KLHL20: variants seen among roughly 807,000 people sequenced by gnomAD.
KLHL20 encodes the protein kelch like family member 20.
KLHL20 carries 29 observed loss-of-function variants against 69.5 expected under a neutral mutation model. That is an observed-to-expected ratio of 0.42 (90% CI 0.31 to 0.57). KLHL20 has a LOEUF of 0.57. Among genes scored for constraint, KLHL20 ranks in the 20% least tolerant of loss-of-function variants. KLHL20 has a pLI of 0.18. For synonymous variants in KLHL20, 253 were observed against 265.2 expected, an observed-to-expected ratio of 0.95 and a Z score of 0.45; for missense variants, 419 against 776.0, an observed-to-expected ratio of 0.54 and a Z score of 5.47.
intron 7 of KLHL20, among the ~76,000 whole-genome samples, chr1:173,760,305 A>C (rs1274286371): frequency 6.6e-6 from 1 of 152,224 alleles, no homozygotes; most frequent in African/African-American, 2.4e-5. Flanking sequence ...TCGGGAGAGT[A>C]ATCAAGGAAA....
At chr1:173,728,073 A>G (rs1232122499) in intron 2 of KLHL20, among the ~76,000 whole-genome samples, 5 of 152,290 alleles carry the variant, frequency 3.3e-5, no homozygotes, top group African/African-American at 1.2e-4. Context: ...AAGCAAATGG[A>G]AAACAAAGGC....
chr1:173,751,669 TAGA>T, intron 3 of KLHL20, 92 bp from the exon 4 acceptor site: 4 of 1,222,650 alleles, frequency 3.3e-6, no homozygotes, highest in Non-Finnish European at 4.6e-6. Context: ...CAGCGCATTG[TAGA>T]ATACAGCTTT....
At chr1:173,778,791 G>A (rs1648652532) in intron 10 of KLHL20, among the ~76,000 whole-genome samples, 2 of 152,094 alleles carry the variant, frequency 1.3e-5, no homozygotes, top group Admixed American at 6.5e-5. Flanking sequence ...TCCTTTGAAT[G>A]TCTACGGTAT....
At chr1:173,762,382 T>C (rs1367095396) in intron 7 of KLHL20, among the ~76,000 whole-genome samples, 1 of 152,088 alleles carries the variant, frequency 6.6e-6, no homozygotes, top group East Asian at 1.9e-4. Context: ...ATTCATTCTG[T>C]GAAGCCAGCA....
chr1:173,753,424 A>C (rs568259646), intron 5 of KLHL20, 117 bp downstream of exon 5: 6 of 732,282 alleles, frequency 8.2e-6, no homozygotes, highest in Non-Finnish European at 1.4e-5. Context: ...CCAGGGCTTT[A>C]ATTTAACAAG....
intron 2 of KLHL20, among the ~76,000 whole-genome samples, chr1:173,728,268 A>T (rs1672077265): frequency 6.6e-6 from 1 of 152,218 alleles, no homozygotes; most frequent in Admixed American, 6.5e-5. Context: ...CTAGAAAGAG[A>T]CTTAGACTCC....
chr1:173,747,275 A>G (rs372358309), intron 3 of KLHL20, among the ~76,000 whole-genome samples: 32 of 151,960 alleles, frequency 2.1e-4, no homozygotes, highest in Admixed American at 1.4e-3. Context: ...CTGTGTGTTA[A>G]AGTCTCTTAT....
chr1:173,774,702 ATATAAT>A, intron 9 of KLHL20, among the ~76,000 whole-genome samples: 1 of 151,046 alleles, frequency 6.6e-6, no homozygotes, highest in East Asian at 1.9e-4. Context: ...CTACTTTCTT[ATATAAT>A]TAGTTCCTTT....
At chr1:173,746,487 C>A (rs1165211798) in intron 3 of KLHL20, among the ~76,000 whole-genome samples, 1 of 152,060 alleles carries the variant, frequency 6.6e-6, no homozygotes, top group Non-Finnish European at 1.5e-5. Context: ...TTTGGGTAAA[C>A]TGTATTTCCC....
chr1:173,740,825 C>T (rs1035338307), intron 3 of KLHL20, among the ~76,000 whole-genome samples: 1 of 151,968 alleles, frequency 6.6e-6, no homozygotes, highest in African/African-American at 2.4e-5. Context: ...TTTGCCCCCC[C>T]GGATTCTGCC....
intron 3 of KLHL20, chr1:173,741,989 A>G (rs1390693034): frequency 1.6e-6 from 1 of 614,762 alleles, no homozygotes. Flanking sequence ...TTGGATAAAA[A>G]AAATTGTAAC....
intron 4 of KLHL20, 47 bp from the exon 5 acceptor site, chr1:173,753,166 T>C (rs1180344663): frequency 1.4e-6 from 2 of 1,454,996 alleles, no homozygotes; most frequent in Non-Finnish European, 1.9e-6. Context: ...GAGTAAGACC[T>C]ATCTCAAAAT....
chr1:173,743,534 A>ATTT (rs147229262), intron 3 of KLHL20, among the ~76,000 whole-genome samples: 2 of 141,278 alleles, frequency 1.4e-5, no homozygotes, highest in South Asian at 4.4e-4. Context: ...CAAAGTGGTG[A>ATTT]TTTTAAAAAA....
At chr1:173,758,195 T>A (rs989991080) in intron 7 of KLHL20, among the ~76,000 whole-genome samples, 10 of 151,578 alleles carry the variant, frequency 6.6e-5, no homozygotes. Flanking sequence ...CGCTTGAGCC[T>A]GGGAGGTAAA....
At chr1:173,753,134 C>A in intron 4 of KLHL20, 79 bp from the exon 5 acceptor site, 3 of 1,157,908 alleles carry the variant, frequency 2.6e-6, no homozygotes, top group Non-Finnish European at 3.8e-6. Context: ...GATCATGCCA[C>A]TGTACTCCAG....
intron 2 of KLHL20, among the ~76,000 whole-genome samples, chr1:173,721,270 T>C (rs1671702193): frequency 6.6e-6 from 1 of 152,196 alleles, no homozygotes; most frequent in Admixed American, 6.5e-5. Flanking sequence ...TCCAATCTCG[T>C]ATCTTTGAAA....
At chr1:173,734,495 C>T (rs1672433925) in intron 3 of KLHL20, 11 of 575,250 alleles carry the variant, frequency 1.9e-5, no homozygotes, top group Non-Finnish European at 3.4e-5. Flanking sequence ...ATTTATTCTC[C>T]CTAACTGTAT....
At chr1:173,744,353 A>C (rs1446684382) in intron 3 of KLHL20, among the ~76,000 whole-genome samples, 1 of 151,958 alleles carries the variant, frequency 6.6e-6, no homozygotes, top group African/African-American at 2.4e-5. Context: ...TTTTTTCTTC[A>C]ATTTTTTAAA....
intron 7 of KLHL20, 62 bp from the exon 8 acceptor site, chr1:173,766,084 T>C (rs1389111995): frequency 2.2e-6 from 3 of 1,345,170 alleles, no homozygotes; most frequent in African/African-American, 3.0e-5. Context: ...ATTTAGAATA[T>C]GTAAACATAG....
Sources: gnomAD v4.1 joint callset for allele counts (sites outside exome capture counted in the v4.1 genomes callset) on GRCh38, gnomAD v4.1.1 for gene constraint, MANE v1.5 for transcripts, NCBI Gene and HGNC (gene_info 2026-07-23, HGNC 2026-07-21) for gene names.